Variants in TAF4 observed in about 807,000 individuals in gnomAD.
The protein encoded by TAF4 is transcription initiation factor TFIID subunit 4.
In TAF4, 9 loss-of-function variants were observed where a neutral mutation model predicts 90.3. That is an observed-to-expected ratio of 0.10 (90% confidence interval 0.06 to 0.17). TAF4 has a LOEUF of 0.17. TAF4 is among the 10% of genes least tolerant of loss of function. The pLI is 1.00. For missense variants in TAF4, 1,351 were observed against 1,370.7 expected, an observed-to-expected ratio of 0.99 and a Z score of 0.23; for synonymous variants, 818 against 638.9, an observed-to-expected ratio of 1.28 and a Z score of -4.23.
chr20:62,037,526 C>T (rs1028843656), intron 1 of TAF4: 1 of 152,400 alleles, frequency 6.6e-6, no homozygotes, highest in Non-Finnish European at 1.5e-5. Flanking sequence ...GTGTCTTTAC[C>T]GTGAGGATCG....
At chr20:62,037,161 T>C (rs2055936783) in intron 1 of TAF4, among the ~76,000 whole-genome samples, 1 of 143,816 alleles carries the variant, frequency 7.0e-6, no homozygotes, top group South Asian at 2.2e-4. Flanking sequence ...TGACATCATG[T>C]GCGTCATGAG....
intron 14 of TAF4, among the ~76,000 whole-genome samples, chr20:61,997,006 T>A (rs1447610940): frequency 6.6e-6 from 1 of 152,044 alleles, no homozygotes; most frequent in African/African-American, 2.4e-5. Flanking sequence ...AAAAGACCGT[T>A]TTCTTTCTTC....
chr20:62,052,789 G>A (rs1487444788), intron 1 of TAF4, among the ~76,000 whole-genome samples: 1 of 77,582 alleles, frequency 1.3e-5, no homozygotes, highest in African/African-American at 5.1e-5. Flanking sequence ...CACAACACCA[G>A]GTCCCTCACA....
At chr20:62,056,396 A>AGGG (rs1428555655) in intron 1 of TAF4, among the ~76,000 whole-genome samples, 1 of 152,228 alleles carries the variant, frequency 6.6e-6, no homozygotes, top group Non-Finnish European at 1.5e-5. Context: ...CATTCCCAAA[A>AGGG]GTCGTATTCT....
chr20:62,036,034 T>A (rs201823466), intron 1 of TAF4, among the ~76,000 whole-genome samples: 1,556 of 132,790 alleles, frequency 0.012, 34 homozygotes, highest in East Asian at 0.09. Flanking sequence ...TTTTTTTTTT[T>A]AAAAAAAAAA....
chr20:62,002,168 C>T (rs2055709675), intron 9 of TAF4, among the ~76,000 whole-genome samples: 1 of 152,208 alleles, frequency 6.6e-6, no homozygotes, highest in Admixed American at 6.5e-5. Flanking sequence ...CGTGTATGTC[C>T]CTAAGTGCCC....
intron 14 of TAF4, among the ~76,000 whole-genome samples, chr20:61,977,303 T>G (rs2055501985): frequency 6.6e-6 from 1 of 152,160 alleles, no homozygotes; most frequent in Non-Finnish European, 1.5e-5. Context: ...CAGCTGTCAT[T>G]TCCCCCAGCT....
intron 1 of TAF4, among the ~76,000 whole-genome samples, chr20:62,029,783 G>A (rs2145492137): frequency 6.6e-6 from 1 of 152,298 alleles, no homozygotes; most frequent in Admixed American, 6.5e-5. Context: ...GCACACACCT[G>A]TAATCCCAGC....
chr20:62,037,503 G>A (rs542258439), intron 1 of TAF4: 1 of 152,546 alleles, frequency 6.6e-6, no homozygotes, highest in East Asian at 1.9e-4. Flanking sequence ...TTCCTCACCT[G>A]GCTTGGGAAC....
intron 1 of TAF4, among the ~76,000 whole-genome samples, chr20:62,015,031 C>A (rs1295723388): frequency 6.6e-6 from 1 of 152,214 alleles, no homozygotes; most frequent in African/African-American, 2.4e-5. Context: ...AGCCCATACA[C>A]CCCACAGACA....
intron 1 of TAF4, among the ~76,000 whole-genome samples, chr20:62,017,825 G>A (rs1451238393): frequency 2.7e-5 from 4 of 149,762 alleles, no homozygotes; most frequent in Non-Finnish European, 5.9e-5. Context: ...CAGAGCAAGA[G>A]TCCACCTCAA....
intron 1 of TAF4, among the ~76,000 whole-genome samples, chr20:62,016,969 T>C (rs2055815341): frequency 6.6e-6 from 1 of 151,578 alleles, no homozygotes; most frequent in African/African-American, 2.4e-5. Context: ...GACCCCATCT[T>C]TGCAAAAAAA....
intron 1 of TAF4, among the ~76,000 whole-genome samples, chr20:62,018,737 C>T (rs1302661548): frequency 3.9e-5 from 6 of 152,248 alleles, no homozygotes; most frequent in Non-Finnish European, 8.8e-5. Flanking sequence ...GAGGCACAAC[C>T]GGCTCCACGC....
At chr20:61,996,964 G>A in intron 14 of TAF4, among the ~76,000 whole-genome samples, 1 of 152,054 alleles carries the variant, frequency 6.6e-6, no homozygotes. Flanking sequence ...GGAATGAAGA[G>A]TACCGGAGAT....
intron 9 of TAF4, among the ~76,000 whole-genome samples, chr20:62,002,505 T>C (rs1167519604): frequency 6.6e-6 from 1 of 152,128 alleles, no homozygotes; most frequent in Non-Finnish European, 1.5e-5. Flanking sequence ...CAGTTATTTT[T>C]CTAGAAACAG....
Position 62,014,542 on chromosome 20 carries a change from C to T in TAF4, c.1521+5G>A. 1 of 1,602,446 alleles carries T rather than the reference C, an allele frequency of 6.2e-7. No individual in the cohort carries two copies. Among genetic ancestry groups the T allele is most frequent in the Non-Finnish European group, 8.5e-7 (1 of 1,174,602 alleles). ...GTTCGCACTCCAGGGCACACGTGCA[C>T]TCACCTGTACGGTGGAGATCTGGAC... On this transcript the variant is annotated splice_donor_5th_base_variant and intron_variant, in intron 2 of 14. Transcript: ENST00000252996.
At chr20:62,031,085 G>T (rs568079229) in intron 1 of TAF4, among the ~76,000 whole-genome samples, 1 of 152,192 alleles carries the variant, frequency 6.6e-6, no homozygotes, top group African/African-American at 2.4e-5. Flanking sequence ...CTGAGCACCT[G>T]GTATCACTTC....
intron 1 of TAF4, among the ~76,000 whole-genome samples, chr20:62,038,129 T>C (rs915386484): frequency 1.1e-4 from 16 of 152,110 alleles, no homozygotes; most frequent in South Asian, 4.2e-4. Flanking sequence ...CCCAGGTTCA[T>C]GCCATTCTCC....
At chr20:62,023,913 T>C (rs1335858672) in intron 1 of TAF4, among the ~76,000 whole-genome samples, 1 of 151,694 alleles carries the variant, frequency 6.6e-6, no homozygotes, top group Non-Finnish European at 1.5e-5. Flanking sequence ...TGAAGTCCCA[T>C]CTCTACTAAA....
Sources: allele counts gnomAD v4.1 joint callset (sites outside exome capture counted in the v4.1 genomes callset), GRCh38; gene constraint gnomAD v4.1.1; transcripts MANE v1.5; gene names NCBI Gene and HGNC (gene_info 2026-07-23, HGNC 2026-07-21).